The following LARGE1 variants were observed in gnomAD, a reference collection of about 807,000 sequenced individuals.
LARGE1 encodes xylosyl- and glucuronyltransferase LARGE1.
LARGE1 carries 43 observed loss-of-function variants against 87.6 expected under a neutral mutation model. The ratio of observed to expected loss-of-function variants is 0.49; its 90% CI spans 0.38 to 0.63. The LOEUF is 0.63. Ranked by LOEUF, LARGE1 falls within the 30% of genes least tolerant of loss-of-function variation. LARGE1 has a pLI of 0.00. For missense variants in LARGE1, 802 were observed against 1,000.2 expected (o/e 0.80, Z 2.67); for synonymous variants, 434 against 394.6 (o/e 1.10, Z -1.18).
At chr22:33,486,708 T>G (rs1282134436) in intron 6 of LARGE1, among the ~76,000 whole-genome samples, 3 of 152,206 alleles carry the variant, frequency 2.0e-5, no homozygotes, top group Non-Finnish European at 2.9e-5. Context: ...TCACACTTCA[T>G]GAATCCAATG....
chr22:33,589,652 T>C (rs1371827131), intron 5 of LARGE1, among the ~76,000 whole-genome samples: 1 of 152,192 alleles, frequency 6.6e-6, no homozygotes, highest in African/African-American at 2.4e-5. Context: ...CTGCATGAAA[T>C]GCAAGATTCA....
chr22:33,550,214 T>C (rs2077487565), intron 6 of LARGE1, among the ~76,000 whole-genome samples: 1 of 150,704 alleles, frequency 6.6e-6, no homozygotes, highest in Non-Finnish European at 1.5e-5. Context: ...TATATAGAAG[T>C]TGTGGAAGGT....
intron 1 of LARGE1, among the ~76,000 whole-genome samples, chr22:33,797,431 G>A (rs943813201): frequency 6.6e-6 from 1 of 152,170 alleles, no homozygotes; most frequent in Non-Finnish European, 1.5e-5. Context: ...AGATGGTTGT[G>A]TAAAACCATC....
At chr22:33,306,252 T>C (rs1239181020) in intron 11 of LARGE1, among the ~76,000 whole-genome samples, 8 of 152,214 alleles carry the variant, frequency 5.3e-5, no homozygotes, top group Non-Finnish European at 1.2e-4. Flanking sequence ...GGCTCTGATC[T>C]GGAATTTTGA....
chr22:33,584,448 T>C (rs2078609974), intron 5 of LARGE1, among the ~76,000 whole-genome samples: 1 of 152,222 alleles, frequency 6.6e-6, no homozygotes, highest in African/African-American at 2.4e-5. Flanking sequence ...TGATTGGTAC[T>C]ACACTCTTCC....
chr22:33,589,721 A>G (rs574434441), intron 5 of LARGE1, among the ~76,000 whole-genome samples: 5 of 152,328 alleles, frequency 3.3e-5, no homozygotes, highest in African/African-American at 1.2e-4. Context: ...AAATATCTCC[A>G]GTGACAGCTT....
intron 6 of LARGE1, among the ~76,000 whole-genome samples, chr22:33,532,564 T>C (rs1471602605): frequency 6.6e-6 from 1 of 152,198 alleles, no homozygotes; most frequent in Non-Finnish European, 1.5e-5. Flanking sequence ...TTTACAGATA[T>C]AAAAACTAAG....
chr22:33,595,771 G>A (rs2078960663), intron 5 of LARGE1, among the ~76,000 whole-genome samples: 1 of 152,190 alleles, frequency 6.6e-6, no homozygotes, highest in Non-Finnish European at 1.5e-5. Flanking sequence ...CCATGCCCAT[G>A]CCAAAGGCTG....
chr22:33,532,375 T>A (rs1211757539), intron 6 of LARGE1, among the ~76,000 whole-genome samples: 1 of 152,158 alleles, frequency 6.6e-6, no homozygotes, highest in Non-Finnish European at 1.5e-5. Flanking sequence ...AGGATCTAGG[T>A]TGGGTCTGTA....
chr22:33,259,333 C>T (rs1033002611), intron 11 of LARGE1, among the ~76,000 whole-genome samples: 11 of 150,882 alleles, frequency 7.3e-5, no homozygotes, highest in Non-Finnish European at 1.6e-4. Flanking sequence ...CACACACACA[C>T]ACACACACAC....
At chr22:33,419,671 T>G (rs943191114) in intron 7 of LARGE1, among the ~76,000 whole-genome samples, 1 of 150,982 alleles carries the variant, frequency 6.6e-6, no homozygotes, top group African/African-American at 2.4e-5. Flanking sequence ...AATCTTTGTT[T>G]TTGTTGTTGT....
At chr22:33,711,336 C>G (rs2082725115) in intron 2 of LARGE1, among the ~76,000 whole-genome samples, 1 of 152,212 alleles carries the variant, frequency 6.6e-6, no homozygotes, top group Non-Finnish European at 1.5e-5. Context: ...TGGTCTCTTT[C>G]AAGGGTTCTA....
intron 2 of LARGE1, among the ~76,000 whole-genome samples, chr22:33,670,073 G>C (rs1410685153): frequency 6.6e-6 from 1 of 152,114 alleles, no homozygotes; most frequent in African/African-American, 2.4e-5. Flanking sequence ...AATGAAAGGA[G>C]CCCTGTACTT....
intron 1 of LARGE1, among the ~76,000 whole-genome samples, chr22:33,806,271 T>C (rs973011454): frequency 2.0e-5 from 3 of 152,216 alleles, no homozygotes; most frequent in Non-Finnish European, 2.9e-5. Context: ...GCAAGCTTCA[T>C]GTGAGGTGTT....
chr22:33,418,731 G>C (rs1401514645), intron 7 of LARGE1, among the ~76,000 whole-genome samples: 1 of 152,144 alleles, frequency 6.6e-6, no homozygotes, highest in Non-Finnish European at 1.5e-5. Flanking sequence ...GAGTGAGCAG[G>C]GAAGAGGAGG....
chr22:33,641,594 G>A (rs1338230989), intron 3 of LARGE1, among the ~76,000 whole-genome samples: 1 of 152,130 alleles, frequency 6.6e-6, no homozygotes, highest in East Asian at 1.9e-4. Context: ...TGAGCTAAAG[G>A]AGCATGTTCT....
chr22:33,223,437 T>C (rs1925558056), intron 11 of LARGE1, among the ~76,000 whole-genome samples: 1 of 152,192 alleles, frequency 6.6e-6, no homozygotes. Flanking sequence ...ATGGTTATAG[T>C]AGGCTGATTG....
At chr22:33,682,486 C>G (rs2081806449) in intron 2 of LARGE1, among the ~76,000 whole-genome samples, 1 of 152,246 alleles carries the variant, frequency 6.6e-6, no homozygotes, top group South Asian at 2.1e-4. Flanking sequence ...TTACTCAACT[C>G]TCAAGTCCCC....
At chr22:33,089,086 A>G in the LARGE1 span, among the ~76,000 whole-genome samples, 7 of 152,244 alleles carry the variant, frequency 4.6e-5, no homozygotes, top group East Asian at 1.4e-3. Context: ...CTGGTTTCAT[A>G]CTAGGTCATT....
Sources: allele counts gnomAD v4.1 joint callset (sites outside exome capture counted in the v4.1 genomes callset), GRCh38; gene constraint gnomAD v4.1.1; transcripts MANE v1.5; gene names NCBI Gene and HGNC (gene_info 2026-07-23, HGNC 2026-07-21).